PLPP1: variants seen among roughly 807,000 people sequenced by gnomAD.
PLPP1 encodes the protein lipid phosphate phosphohydrolase 1a.
PLPP1 carries 24 observed loss-of-function variants against 31.2 expected under a neutral mutation model. The ratio of observed to expected loss-of-function variants is 0.77; its 90% CI spans 0.56 to 1.08. PLPP1 has a LOEUF of 1.08. Ranked by LOEUF, PLPP1 falls within the 50% of genes least tolerant of loss-of-function variation. The pLI is 0.00. For synonymous variants in PLPP1, 146 were observed against 126.3 expected, an observed-to-expected ratio of 1.16 and a Z score of -1.05; for missense variants, 319 against 342.7, an observed-to-expected ratio of 0.93 and a Z score of 0.55.
intron 1 of PLPP1, among the ~76,000 whole-genome samples, chr5:55,503,719 C>A (rs1435655412): frequency 1.4e-5 from 2 of 147,466 alleles, no homozygotes; most frequent in East Asian, 4.0e-4. Flanking sequence ...GTGGAGGTTG[C>A]AGTGAGCAGA....
chr5:55,446,731 C>T (rs1490751134), intron 3 of PLPP1, among the ~76,000 whole-genome samples: 2 of 152,208 alleles, frequency 1.3e-5, no homozygotes, highest in Admixed American at 6.5e-5. Context: ...CCTTCCTAAA[C>T]CAAATAGTAT....
intron 1 of PLPP1, among the ~76,000 whole-genome samples, chr5:55,514,654 C>T (rs975944456): frequency 2.0e-5 from 3 of 152,068 alleles, no homozygotes; most frequent in African/African-American, 7.2e-5. Flanking sequence ...AATTAGTAAG[C>T]TTTGTTTAAA....
chr5:55,462,983 G>A (rs961690882), intron 3 of PLPP1, among the ~76,000 whole-genome samples: 3 of 150,214 alleles, frequency 2.0e-5, no homozygotes, highest in African/African-American at 2.5e-5. Flanking sequence ...AAAAAAAAAA[G>A]AAAAAGAAAA....
In PLPP1 at chr5:55,426,683, C is replaced by T. The variant is rs559529916; in HGVS notation, c.550-644G>A. ...TTGGCCTCCCAAAGTGCTGGGATTACAGACATGCGCCACCATGCCTGACCC... is the reference window on the plus strand; with the variant it reads ...TTGGCCTCCCAAAGTGCTGGGATTATAGACATGCGCCACCATGCCTGACCC... On this transcript the variant is annotated intron_variant, in intron 4 of 5. Coordinates refer to ENST00000307259, the MANE Select transcript of PLPP1 (RefSeq NM_003711.4). Among the ~76,000 whole-genome samples, 45 of 152,208 alleles carry T rather than the reference C, an allele frequency of 3.0e-4. No homozygotes were observed. In the East Asian group the frequency reaches 8.5e-3, roughly 29 times the overall value.
intron 1 of PLPP1, among the ~76,000 whole-genome samples, chr5:55,526,202 C>T (rs1740427867): frequency 6.6e-6 from 1 of 151,998 alleles, no homozygotes; most frequent in African/African-American, 2.4e-5. Flanking sequence ...CCAAAAATGA[C>T]TAAATGAGAA....
At chr5:55,450,497 G>C (rs942988386) in intron 3 of PLPP1, among the ~76,000 whole-genome samples, 2 of 152,150 alleles carry the variant, frequency 1.3e-5, no homozygotes, top group Non-Finnish European at 1.5e-5. Flanking sequence ...GGTATATCTT[G>C]AAAATAACAT....
chr5:55,492,877 T>C (rs1752924573), intron 1 of PLPP1, among the ~76,000 whole-genome samples: 1 of 152,156 alleles, frequency 6.6e-6, no homozygotes, highest in South Asian at 2.1e-4. Flanking sequence ...ACACAAGCTA[T>C]CTCTTCCAGA....
chr5:55,493,612 G>A (rs1214197843), intron 1 of PLPP1, among the ~76,000 whole-genome samples: 2 of 152,114 alleles, frequency 1.3e-5, no homozygotes, highest in Non-Finnish European at 2.9e-5. Flanking sequence ...GGGTGGCTGG[G>A]TGAGGTGGCT....
chr5:55,521,155 C>T (rs974874071), intron 1 of PLPP1, among the ~76,000 whole-genome samples: 1 of 151,968 alleles, frequency 6.6e-6, no homozygotes, highest in African/African-American at 2.4e-5. Flanking sequence ...GAGTTCGAGA[C>T]CAGTCTGGCC....
At chr5:55,526,931 C>CAAAAAAAA in intron 1 of PLPP1, among the ~76,000 whole-genome samples, 1 of 75,504 alleles carries the variant, frequency 1.3e-5, no homozygotes, top group Admixed American at 1.8e-4. Context: ...GATTCCATCT[C>CAAAAAAAA]AAAAAAAAAA....
intron 1 of PLPP1, among the ~76,000 whole-genome samples, chr5:55,510,725 T>C (rs963490506): frequency 2.2e-5 from 3 of 136,550 alleles, no homozygotes; most frequent in Admixed American, 7.6e-5. Context: ...GGTGGAGTAC[T>C]GGACAGAGTT....
At chr5:55,496,799 T>C (rs1753012037) in intron 1 of PLPP1, among the ~76,000 whole-genome samples, 1 of 152,216 alleles carries the variant, frequency 6.6e-6, no homozygotes, top group South Asian at 2.1e-4. Flanking sequence ...GATGTTCCCA[T>C]ATTCTCCTCA....
chr5:55,530,059 T>G, intron 1 of PLPP1: 1 of 675,018 alleles, frequency 1.5e-6, no homozygotes, highest in Non-Finnish European at 2.6e-6. Flanking sequence ...TTACTTTTAT[T>G]AATATACACA....
chr5:55,447,432 A>G (rs758226543), intron 3 of PLPP1, among the ~76,000 whole-genome samples: 1 of 152,216 alleles, frequency 6.6e-6, no homozygotes, highest in Non-Finnish European at 1.5e-5. Context: ...AAAGCATTAT[A>G]AGGCAGAAAG....
intron 1 of PLPP1, among the ~76,000 whole-genome samples, chr5:55,526,081 A>T (rs185994688): frequency 0.011 from 1,567 of 146,576 alleles, 14 homozygotes; most frequent in African/African-American, 0.029. Flanking sequence ...TTCTTTTTTT[A>T]AAAAAAAAAA....
At chr5:55,512,568 GAAAGA>G (rs1753456969) in intron 1 of PLPP1, among the ~76,000 whole-genome samples, 5 of 143,188 alleles carry the variant, frequency 3.5e-5, no homozygotes, top group African/African-American at 1.3e-4. Context: ...AAGAAAGAAA[GAAAGA>G]AAGGTAACAT....
At chr5:55,503,299 T>G (rs1030484731) in intron 1 of PLPP1, among the ~76,000 whole-genome samples, 1 of 152,224 alleles carries the variant, frequency 6.6e-6, no homozygotes, top group African/African-American at 2.4e-5. Flanking sequence ...AGTTTTAAGT[T>G]GCACTACATT....
chr5:55,478,333 A>C (rs112949089), intron 1 of PLPP1, among the ~76,000 whole-genome samples: 2 of 152,350 alleles, frequency 1.3e-5, no homozygotes, highest in African/African-American at 2.4e-5. Flanking sequence ...CCACTGTGCA[A>C]GGAATTCCGC....
At chr5:55,522,635 CTAGT>C (rs1753694783) in intron 1 of PLPP1, among the ~76,000 whole-genome samples, 1 of 152,204 alleles carries the variant, frequency 6.6e-6, no homozygotes, top group South Asian at 2.1e-4. Flanking sequence ...TACATCATAA[CTAGT>C]TAAACATAAA....
Sources: gnomAD v4.1 joint callset for allele counts (sites outside exome capture counted in the v4.1 genomes callset) on GRCh38, gnomAD v4.1.1 for gene constraint, MANE v1.5 for transcripts, NCBI Gene and HGNC (gene_info 2026-07-23, HGNC 2026-07-21) for gene names.